The following TAFA1 variants were observed in gnomAD, a reference collection of about 807,000 sequenced individuals.
TAFA1 encodes TAFA chemokine like family member 1.
TAFA1 carries 4 observed loss-of-function variants against 18.5 expected under a neutral mutation model. The ratio of observed to expected loss-of-function variants is 0.22; its 90% CI spans 0.11 to 0.49. The LOEUF (loss-of-function observed/expected upper bound fraction) is 0.49, where lower values mean the gene tolerates loss of function less well. Ranked by LOEUF, TAFA1 falls within the 20% of genes least tolerant of loss-of-function variation. The pLI is 0.98. For synonymous variants in TAFA1, 56 were observed against 55.2 expected (o/e 1.01, Z -0.06); for missense variants, 147 against 169.0 (o/e 0.87, Z 0.72).
intron 2 of TAFA1, among the ~76,000 whole-genome samples, chr3:68,228,079 G>T (rs1035942298): frequency 6.6e-6 from 1 of 152,162 alleles, no homozygotes; most frequent in Admixed American, 6.5e-5. Flanking sequence ...TTCGGCAGAT[G>T]CATTTGAGGT....
intron 2 of TAFA1, among the ~76,000 whole-genome samples, chr3:68,205,990 A>G (rs546330572): frequency 6.6e-6 from 1 of 152,020 alleles, no homozygotes; most frequent in South Asian, 2.1e-4. Context: ...ACCCCCGATT[A>G]AAGATATAAC....
chr3:68,300,355 T>C (rs2068280891), intron 2 of TAFA1, among the ~76,000 whole-genome samples: 1 of 152,198 alleles, frequency 6.6e-6, no homozygotes, highest in Non-Finnish European at 1.5e-5. Flanking sequence ...GTAGCCCTTT[T>C]GTTTTGGCTG....
At chr3:68,246,589 C>CAAAAAAAAAAAAAAAAAAAAAAA (rs63748968) in intron 2 of TAFA1, among the ~76,000 whole-genome samples, 2 of 55,358 alleles carry the variant, frequency 3.6e-5, no homozygotes, top group African/African-American at 7.3e-5. Flanking sequence ...GACTCCGTCT[C>CAAAAAAAAAAAAAAAAAAAAAAA]AAAAAAAAAA....
chr3:68,110,777 G>A (rs547089435), intron 2 of TAFA1, among the ~76,000 whole-genome samples: 9 of 152,086 alleles, frequency 5.9e-5, no homozygotes, highest in Non-Finnish European at 1.0e-4. Flanking sequence ...TAAAAGAGGC[G>A]GTTCTTTGGC....
chr3:68,337,100 T>G (rs2106743769), intron 2 of TAFA1, among the ~76,000 whole-genome samples: 1 of 152,258 alleles, frequency 6.6e-6, no homozygotes, highest in South Asian at 2.1e-4. Flanking sequence ...TGTATTAGTC[T>G]GTTCTCACAC....
At chr3:68,169,073 C>T (rs2066019548) in intron 2 of TAFA1, among the ~76,000 whole-genome samples, 1 of 151,992 alleles carries the variant, frequency 6.6e-6, no homozygotes, top group Non-Finnish European at 1.5e-5. Context: ...AGTAGTTAGC[C>T]TCCAGGATGT....
chr3:68,542,065 C>T (rs181210916), intron 4 of TAFA1, among the ~76,000 whole-genome samples: 3 of 152,190 alleles, frequency 2.0e-5, no homozygotes, highest in African/African-American at 7.2e-5. Flanking sequence ...GATATTATTA[C>T]CCCAGAAGGA....
chr3:68,380,779 T>C (rs940344917), intron 2 of TAFA1, among the ~76,000 whole-genome samples: 1 of 151,802 alleles, frequency 6.6e-6, no homozygotes, highest in African/African-American at 2.4e-5. Flanking sequence ...TTTAATTAGA[T>C]CCCATTTGTC....
At chr3:68,363,141 A>G (rs1481688816) in intron 2 of TAFA1, among the ~76,000 whole-genome samples, 1 of 152,024 alleles carries the variant, frequency 6.6e-6, no homozygotes, top group Admixed American at 6.6e-5. Flanking sequence ...TCCTTGGCTC[A>G]TGTTATTACA....
intron 2 of TAFA1, among the ~76,000 whole-genome samples, chr3:68,285,513 C>CTA (rs1344323622): frequency 1.3e-5 from 2 of 151,710 alleles, no homozygotes; most frequent in African/African-American, 4.8e-5. Flanking sequence ...TATATAGCAA[C>CTA]TATATATATA....
intron 3 of TAFA1, among the ~76,000 whole-genome samples, chr3:68,518,500 T>C (rs2072962343): frequency 6.6e-6 from 1 of 152,244 alleles, no homozygotes; most frequent in Non-Finnish European, 1.5e-5. Flanking sequence ...TATAACATAT[T>C]TATATTTAAT....
At chr3:68,463,053 G>A (rs891014327) in intron 3 of TAFA1, among the ~76,000 whole-genome samples, 2 of 152,172 alleles carry the variant, frequency 1.3e-5, no homozygotes, top group Non-Finnish European at 2.9e-5. Context: ...ACTCTCTACA[G>A]GGACCTTGTG....
intron 3 of TAFA1, among the ~76,000 whole-genome samples, chr3:68,463,368 T>G (rs1209192432): frequency 6.6e-6 from 1 of 152,210 alleles, no homozygotes; most frequent in Non-Finnish European, 1.5e-5. Context: ...TCAGAACTGA[T>G]TTAAACAACT....
In TAFA1 at chr3:68,487,137, G is replaced by A. The variant is rs547866464; in HGVS notation, c.260-51619G>A. ...AACATCAGAATTTAATTGCAAATAA[G>A]AGAGAATGTCAATTGTCTAGAAATG... On this transcript the variant is annotated intron_variant, in intron 3 of 4. Transcript: ENST00000478136. Among the ~76,000 whole-genome samples the A allele has an allele frequency of 6.4e-4, 97 of 152,316 alleles. 2 individuals are homozygous for A. The highest frequency in any genetic ancestry group is 2.3e-3 in the African/African-American group (95 of 41,584).
At chr3:68,235,771 G>C (rs971118621) in intron 2 of TAFA1, among the ~76,000 whole-genome samples, 12 of 152,084 alleles carry the variant, frequency 7.9e-5, no homozygotes, top group African/African-American at 2.7e-4. Flanking sequence ...CTTTTTGCTG[G>C]ACTTAAAACT....
At chr3:68,294,320 A>AT (rs1343599249) in intron 2 of TAFA1, among the ~76,000 whole-genome samples, 1 of 152,220 alleles carries the variant, frequency 6.6e-6, no homozygotes, top group Non-Finnish European at 1.5e-5. Context: ...ACTTGCAATA[A>AT]TGTATTTTAT....
chr3:68,375,315 A>T (rs534379401), intron 2 of TAFA1, among the ~76,000 whole-genome samples: 1 of 152,088 alleles, frequency 6.6e-6, no homozygotes, highest in Non-Finnish European at 1.5e-5. Context: ...ACTTTTTATT[A>T]CCATGCAACT....
intron 2 of TAFA1, among the ~76,000 whole-genome samples, chr3:68,174,030 T>A (rs1235028108): frequency 1.3e-5 from 2 of 152,230 alleles, no homozygotes; most frequent in African/African-American, 2.4e-5. Flanking sequence ...AAACCTCTTA[T>A]AGAAGTTTTA....
chr3:68,390,333 G>C (rs935050318), intron 2 of TAFA1, among the ~76,000 whole-genome samples: 1 of 152,140 alleles, frequency 6.6e-6, no homozygotes. Flanking sequence ...GGGCATCTCT[G>C]AAAGAAAGGG....
Sources: allele counts gnomAD v4.1 joint callset (sites outside exome capture counted in the v4.1 genomes callset), GRCh38; gene constraint gnomAD v4.1.1; transcripts MANE v1.5; gene names NCBI Gene and HGNC (gene_info 2026-07-23, HGNC 2026-07-21).